The following DNAJC6 variants were observed in gnomAD, a reference collection of about 807,000 sequenced individuals.
The protein encoded by DNAJC6 is DnaJ heat shock protein family (Hsp40) member C6, also known as auxilin.
In DNAJC6, 34 loss-of-function variants were observed where a neutral mutation model predicts 110.0. The ratio of observed to expected loss-of-function variants is 0.31; its 90% CI spans 0.24 to 0.41. The LOEUF (loss-of-function observed/expected upper bound fraction) is 0.41. Ranked by LOEUF, DNAJC6 falls within the 10% of genes least tolerant of loss-of-function variation. DNAJC6 has a pLI of 1.00. For missense variants in DNAJC6, 1,031 were observed against 1,207.8 expected, an observed-to-expected ratio of 0.85 and a Z score of 2.17; for synonymous variants, 406 against 437.2, an observed-to-expected ratio of 0.93 and a Z score of 0.89.
intron 1 of DNAJC6, among the ~76,000 whole-genome samples, chr1:65,315,062 C>T (rs1226240254): frequency 1.3e-5 from 2 of 152,136 alleles, no homozygotes; most frequent in Non-Finnish European, 2.9e-5. Flanking sequence ...GTGCAGAGTT[C>T]TTTTTATTTG....
At chr1:65,345,779 G>A in intron 1 of DNAJC6, 1 of 644,200 alleles carries the variant, frequency 1.6e-6, no homozygotes, top group Non-Finnish European at 1.9e-6. Flanking sequence ...TATGTAGAGT[G>A]CAGATCCAGG....
intron 4 of DNAJC6, among the ~76,000 whole-genome samples, chr1:65,372,491 CT>C (rs995546248): frequency 1.3e-5 from 2 of 152,038 alleles, no homozygotes; most frequent in African/African-American, 2.4e-5. Context: ...TCTCATGGAG[CT>C]TGGTGTCTAC....
Position 65,405,327 on chromosome 1 carries a change from A to AGT in DNAJC6, c.2228-543_2228-542insGT, listed in dbSNP as rs1646064636. Among the ~76,000 whole-genome samples, 5 of 152,362 alleles carry AGT rather than the reference A, an allele frequency of 3.3e-5. No homozygotes were observed. In the South Asian group the frequency reaches 1.0e-3, roughly 32 times the overall value. ...TTAAAACCTACTTGTGAAATTTCAA[A>AGT]ACATCTTTATTTACTCTTGGGCACT... On this transcript the variant is annotated intron_variant, in intron 15 of 18. Transcript: ENST00000371069.
chr1:65,300,191 C>T (rs1176531996), intron 1 of DNAJC6, among the ~76,000 whole-genome samples: 1 of 152,096 alleles, frequency 6.6e-6, no homozygotes, highest in Non-Finnish European at 1.5e-5. Context: ...TTTCTCTCAC[C>T]TCTAAGTAAT....
chr1:65,375,011 C>G (rs1243666416), intron 4 of DNAJC6, among the ~76,000 whole-genome samples: 1 of 151,296 alleles, frequency 6.6e-6, no homozygotes, highest in Non-Finnish European at 1.5e-5. Flanking sequence ...TGCTGTCACC[C>G]AGGCTGGAGT....
intron 5 of DNAJC6, among the ~76,000 whole-genome samples, chr1:65,381,054 G>A (rs1213277218): frequency 6.6e-6 from 1 of 150,994 alleles, no homozygotes; most frequent in African/African-American, 2.4e-5. Flanking sequence ...GAGTAGCTGG[G>A]ACTACAGGCA....
intron 1 of DNAJC6, among the ~76,000 whole-genome samples, chr1:65,349,632 T>C (rs554190038): frequency 1.3e-5 from 2 of 152,302 alleles, no homozygotes; most frequent in East Asian, 3.9e-4. Context: ...ATTCATTTCA[T>C]TATTTTTTGA....
intron 1 of DNAJC6, among the ~76,000 whole-genome samples, chr1:65,320,659 G>T (rs79977030): frequency 6.6e-6 from 1 of 152,206 alleles, no homozygotes; most frequent in African/African-American, 2.4e-5. Flanking sequence ...AGCCATGGGG[G>T]ATACAGTAGA....
upstream of DNAJC6, among the ~76,000 whole-genome samples, chr1:65,306,168 C>T (rs1311238495): frequency 6.6e-6 from 1 of 151,654 alleles, no homozygotes; most frequent in Non-Finnish European, 1.5e-5. Context: ...CTGCCTCAGC[C>T]TCCTGAGTAG....
Position 65,398,822 on chromosome 1 carries a change from C to A in DNAJC6, c.2048C>A (p.Thr683Lys). The change falls in exon 14 of 19, where the codon ACG becomes AAG. Residue 683 changes from threonine to lysine, a missense_variant. Transcript: ENST00000371069. ...TTTTCCCCATTTGCAGCTTCTAGTA[C>A]GCCTGCTGTGAACATTCAGCCAGAT... ...SPSPTVHASS[T>K]PAVNIQPDVS... is the part of the protein sequence containing the mutation. The A allele has an allele frequency of 6.2e-7, 1 of 1,614,028 alleles. No homozygotes were observed. The highest frequency in any genetic ancestry group is 8.5e-7 in the Non-Finnish European group (1 of 1,179,966).
chr1:65,335,827 A>G (rs1175140149), intron 1 of DNAJC6, among the ~76,000 whole-genome samples: 1 of 152,172 alleles, frequency 6.6e-6, no homozygotes, highest in Non-Finnish European at 1.5e-5. Context: ...TCAGCAGAAG[A>G]GTAACATTTG....
At chr1:65,277,829 CTCTCGAGGCAG>C (rs1653720931) in intron 1 of DNAJC6, among the ~76,000 whole-genome samples, 1 of 152,204 alleles carries the variant, frequency 6.6e-6, no homozygotes, top group South Asian at 2.1e-4. Context: ...AATTTGTTAT[CTCTCGAGGCAG>C]TCTCCTGGTC....
At chr1:65,296,168 T>C (rs1011122267) in intron 1 of DNAJC6, among the ~76,000 whole-genome samples, 2 of 152,246 alleles carry the variant, frequency 1.3e-5, no homozygotes, top group Non-Finnish European at 2.9e-5. Context: ...CTGTTATTCA[T>C]AAATAAAATA....
chr1:65,287,131 T>G (rs1654047694), intron 1 of DNAJC6, among the ~76,000 whole-genome samples: 1 of 152,166 alleles, frequency 6.6e-6, no homozygotes, highest in Non-Finnish European at 1.5e-5. Flanking sequence ...AAAGAGTGAA[T>G]GAAAGAATAG....
At chr1:65,411,644 G>T (rs1397770235) in intron 18 of DNAJC6, among the ~76,000 whole-genome samples, 1 of 152,138 alleles carries the variant, frequency 6.6e-6, no homozygotes, top group Non-Finnish European at 1.5e-5. Flanking sequence ...GAGAGAGTAA[G>T]ATTTACCCAG....
upstream of DNAJC6, chr1:65,309,458 C>T: frequency 2.1e-6 from 2 of 945,062 alleles, no homozygotes; most frequent in Non-Finnish European, 2.6e-6. Context: ...TCGGCAGGGC[C>T]GGGCGGCTCC....
intron 1 of DNAJC6, among the ~76,000 whole-genome samples, chr1:65,323,416 T>C (rs928852121): frequency 3.3e-5 from 5 of 152,158 alleles, no homozygotes; most frequent in African/African-American, 1.2e-4. Flanking sequence ...ATGTAAGACG[T>C]GTCTTGCTTC....
rs1468887021 is a variant in DNAJC6 at position 65,412,904 on chromosome 1, T to C, written c.2812-20T>C. ...ATTTTGGTCTGTGGTATCTAATGTGTGTTTTTGTTTTCTCTACAGGCTACT... is the reference window on the plus strand; with the variant it reads ...ATTTTGGTCTGTGGTATCTAATGTGCGTTTTTGTTTTCTCTACAGGCTACT... On this transcript the variant is annotated intron_variant, in intron 18 of 18. Coordinates refer to ENST00000371069, the MANE Select transcript of DNAJC6 (RefSeq NM_001256864.2). 1.2e-6 allele frequency: 2 copies of C among 1,605,374 alleles called. No individual in the cohort carries two copies. The highest frequency in any genetic ancestry group is 1.7e-6 in the Non-Finnish European group (2 of 1,176,046).
intron 17 of DNAJC6, among the ~76,000 whole-genome samples, chr1:65,409,904 G>T (rs1646112602): frequency 6.6e-6 from 1 of 151,996 alleles, no homozygotes; most frequent in African/African-American, 2.4e-5. Context: ...TTTTAAGTTT[G>T]CAATTCAGCG....
Sources: allele counts gnomAD v4.1 joint callset (sites outside exome capture counted in the v4.1 genomes callset), GRCh38; gene constraint gnomAD v4.1.1; transcripts MANE v1.5; gene names NCBI Gene and HGNC (gene_info 2026-07-23, HGNC 2026-07-21).